The following SORCS1 variants were observed in gnomAD, a reference collection of about 807,000 sequenced individuals.
The protein encoded by SORCS1 is VPS10 domain-containing receptor SorCS1.
A neutral mutation model predicts 146.1 loss-of-function variants in SORCS1; 60 were observed. The observed-to-expected ratio is 0.41, with a 90% confidence interval of 0.33 to 0.51. The LOEUF (loss-of-function observed/expected upper bound fraction) is 0.51. Ranked by LOEUF, SORCS1 falls within the 20% of genes least tolerant of loss-of-function variation. The probability of loss-of-function intolerance (pLI) is 0.21; values close to 1 mark genes in which losing one functional copy is unlikely to be tolerated. For missense variants in SORCS1, 1,352 were observed against 1,487.6 expected, an observed-to-expected ratio of 0.91 and a Z score of 1.50; for synonymous variants, 637 against 584.0, an observed-to-expected ratio of 1.09 and a Z score of -1.31.
intron 1 of SORCS1, among the ~76,000 whole-genome samples, chr10:106,991,732 G>A (rs1249282872): frequency 6.6e-6 from 1 of 152,166 alleles, no homozygotes; most frequent in East Asian, 1.9e-4. Context: ...CTAGAAGGGG[G>A]AAAGGGAAAA....
chr10:106,618,163 G>A lies in SORCS1; in HGVS notation c.2906C>T (p.Thr969Ile), dbSNP rs767542784. 10 of 1,614,074 alleles carry A rather than the reference G, an allele frequency of 6.2e-6. No individual in the cohort carries two copies. The South Asian group carries it at 8.8e-5, about 14-fold the overall frequency. Reference sequence around the variant, plus strand: ...TGGGCACTCACCATATACTGCGATGGTCTTTGTGTCTTGTAGGATGGCATT... The same window carrying A: ...TGGGCACTCACCATATACTGCGATGATCTTTGTGTCTTGTAGGATGGCATT... ...AGNAILQDTK[T>I]IAVYEEFRSL... is the part of the protein sequence containing the mutation. Residue 969 changes from threonine to isoleucine, a missense_variant, in exon 21 of 26, where the codon ACC (threonine) becomes ATC (isoleucine). Physicochemically the swap from Thr to Ile is moderately conservative, Grantham distance 89. Coordinates refer to ENST00000263054, the MANE Select transcript of SORCS1 (RefSeq NM_052918.5).
chr10:107,068,299 G>C (rs1962085726), intron 1 of SORCS1, among the ~76,000 whole-genome samples: 1 of 152,090 alleles, frequency 6.6e-6, no homozygotes. Context: ...TCCTCACTGA[G>C]GCAACTGAAC....
intron 6 of SORCS1, among the ~76,000 whole-genome samples, chr10:106,715,187 T>A (rs148098041): frequency 1.8e-4 from 27 of 152,330 alleles, no homozygotes; most frequent in Middle Eastern, 3.4e-3. Flanking sequence ...TCAATTCTGG[T>A]GAGTGTATGA....
intron 2 of SORCS1, among the ~76,000 whole-genome samples, chr10:106,916,667 A>AAT (rs199863347): frequency 3.1e-4 from 46 of 149,900 alleles, no homozygotes; most frequent in East Asian, 3.9e-4. Flanking sequence ...AAATTATATA[A>AAT]ATATATATAT....
At chr10:107,028,516 A>T (rs1958505408) in intron 1 of SORCS1, among the ~76,000 whole-genome samples, 1 of 152,226 alleles carries the variant, frequency 6.6e-6, no homozygotes, top group Non-Finnish European at 1.5e-5. Flanking sequence ...CGCTGAGTGT[A>T]AAGTTTCTAA....
chr10:106,585,045 GA>G (rs199815964), intron 24 of SORCS1, among the ~76,000 whole-genome samples: 7 of 150,044 alleles, frequency 4.7e-5, no homozygotes, highest in Non-Finnish European at 8.9e-5. Flanking sequence ...GGCTTCACTT[GA>G]AAAAAAAACA....
At chr10:106,632,741 A>G (rs1171752461) in intron 18 of SORCS1, among the ~76,000 whole-genome samples, 1 of 152,226 alleles carries the variant, frequency 6.6e-6, no homozygotes, top group Non-Finnish European at 1.5e-5. Context: ...CATGCAAAAA[A>G]AATTATTGCA....
At chr10:106,876,127 C>G (rs1271343671) in intron 2 of SORCS1, among the ~76,000 whole-genome samples, 2 of 152,120 alleles carry the variant, frequency 1.3e-5, no homozygotes, top group Non-Finnish European at 2.9e-5. Flanking sequence ...AGTGCCTGAA[C>G]CTTCCTTTTC....
intron 7 of SORCS1, among the ~76,000 whole-genome samples, chr10:106,706,975 A>G (rs1854578263): frequency 6.6e-6 from 1 of 152,132 alleles, no homozygotes; most frequent in African/African-American, 2.4e-5. Context: ...CTATGACCCT[A>G]CAAGTAGGTC....
chr10:106,816,483 C>T (rs1008792004), intron 3 of SORCS1, among the ~76,000 whole-genome samples: 1 of 152,158 alleles, frequency 6.6e-6, no homozygotes, highest in Non-Finnish European at 1.5e-5. Flanking sequence ...ATAGAGCATA[C>T]CCAGCTATGC....
chr10:106,714,002 C>T (rs12262705), intron 6 of SORCS1, among the ~76,000 whole-genome samples: 5,264 of 151,750 alleles, frequency 0.035, 270 homozygotes, highest in African/African-American at 0.11. Context: ...CATGGTGGCA[C>T]GTGCCTGTAA....
intron 1 of SORCS1, among the ~76,000 whole-genome samples, chr10:107,071,818 A>G (rs1294954647): frequency 5.3e-5 from 8 of 152,250 alleles, no homozygotes; most frequent in Non-Finnish European, 1.2e-4. Flanking sequence ...ACTATTGTTA[A>G]CTAGATAATT....
chr10:106,959,552 C>A (rs1282731747), intron 1 of SORCS1, among the ~76,000 whole-genome samples: 2 of 152,168 alleles, frequency 1.3e-5, no homozygotes, highest in Non-Finnish European at 2.9e-5. Flanking sequence ...GATCCAGAGC[C>A]AAAATCACTA....
At chr10:107,054,221 T>C (rs555924682) in intron 1 of SORCS1, among the ~76,000 whole-genome samples, 1 of 152,344 alleles carries the variant, frequency 6.6e-6, no homozygotes, top group South Asian at 2.1e-4. Flanking sequence ...ACAGAGGTGA[T>C]GCAAGTGAAA....
At chr10:106,671,646 A>G (rs768962045) in intron 15 of SORCS1, among the ~76,000 whole-genome samples, 22 of 152,218 alleles carry the variant, frequency 1.4e-4, no homozygotes, top group Non-Finnish European at 4.4e-5. Flanking sequence ...GTGCAGTGCT[A>G]TGAAGGACAC....
chr10:106,838,324 A>C (rs1037140441), intron 2 of SORCS1, among the ~76,000 whole-genome samples: 1 of 152,178 alleles, frequency 6.6e-6, no homozygotes, highest in African/African-American at 2.4e-5. Flanking sequence ...CAGAGTGGAA[A>C]ATAAGTAGTT....
At position 106,956,500 on chromosome 10, in the gene SORCS1, T is replaced by C. The variant is rs759960052; in HGVS notation, c.626+13A>G. ...AATAACACGGTAATTATTAGCTCCA[T>C]TTATCTACATACCTCCAAAGCGAGC... On this transcript the variant is annotated intron_variant, in intron 2 of 25. Coordinates refer to ENST00000263054, the MANE Select transcript of SORCS1 (RefSeq NM_052918.5). 1.2e-6 allele frequency: 2 copies of C among 1,612,594 alleles called. No homozygotes were observed. The highest frequency in any genetic ancestry group is 1.1e-5 in the South Asian group (1 of 90,922).
intron 3 of SORCS1, among the ~76,000 whole-genome samples, chr10:106,804,241 A>G (rs1947054008): frequency 6.6e-6 from 1 of 152,092 alleles, no homozygotes; most frequent in African/African-American, 2.4e-5. Context: ...CATAATTAAC[A>G]ACTGTGTATG....
At chr10:106,643,831 G>A (rs746397703) in intron 18 of SORCS1, among the ~76,000 whole-genome samples, 11 of 152,226 alleles carry the variant, frequency 7.2e-5, no homozygotes, top group Admixed American at 6.5e-5. Flanking sequence ...CCTGAAGTGT[G>A]TTCTCTATCA....
Sources: allele counts gnomAD v4.1 joint callset (sites outside exome capture counted in the v4.1 genomes callset), GRCh38; gene constraint gnomAD v4.1.1; transcripts MANE v1.5; gene names NCBI Gene and HGNC (gene_info 2026-07-23, HGNC 2026-07-21).